The following FLI1 variants were observed in gnomAD, a reference collection of about 807,000 sequenced individuals.
FLI1 encodes the protein Fli-1 proto-oncogene, ETS transcription factor.
Under a neutral mutation model 53.1 loss-of-function variants are expected in FLI1, and 13 were observed. That is an observed-to-expected ratio of 0.24 (90% CI 0.16 to 0.39). FLI1 has a LOEUF of 0.39. FLI1 is among the 10% of genes least tolerant of loss of function. The pLI, the probability that FLI1 is intolerant of heterozygous loss-of-function variation, is 1.00. For synonymous variants in FLI1, 244 were observed against 236.7 expected, an observed-to-expected ratio of 1.03 and a Z score of -0.28; for missense variants, 424 against 600.5, an observed-to-expected ratio of 0.71 and a Z score of 3.07.
intron 7 of FLI1, 40 bp downstream of exon 7, chr11:128,807,279 C>A: frequency 6.8e-7 from 1 of 1,463,372 alleles, no homozygotes; most frequent in Non-Finnish European, 9.4e-7. Context: ...TTGCTTCCTG[C>A]ACAGTTGTTG....
rs1219848903 is a variant in FLI1 at position 128,812,940 on chromosome 11, A to T, written c.*1952A>T. 6.1e-6 allele frequency: 1 copy of T among 163,036 alleles called. No individual in the cohort carries two copies. The highest frequency in any genetic ancestry group is 1.3e-5 in the Non-Finnish European group (1 of 74,854). 10.1% of individuals were successfully genotyped at this position (163,036 alleles called of 1,614,324 possible). A position where few individuals can be genotyped will look rare whatever the true frequency, so the allele number is the denominator to read the frequency against. On this transcript the variant is annotated 3_prime_UTR_variant, in exon 9 of 9. Coordinates refer to ENST00000527786, the MANE Select transcript of FLI1 (RefSeq NM_002017.5). ...ATTTTCTCTATTTTACAATGAAAAG[A>T]GTGAGACCTGGGAAGTCCTTGATTT...
At chr11:128,765,477 G>T (rs370826875) in intron 2 of FLI1, among the ~76,000 whole-genome samples, 2 of 152,270 alleles carry the variant, frequency 1.3e-5, no homozygotes, top group Admixed American at 6.5e-5. Flanking sequence ...TATCCCCACC[G>T]TCCACAAACG....
chr11:128,685,451 G>C (rs1166947645), upstream of FLI1, among the ~76,000 whole-genome samples: 3 of 152,178 alleles, frequency 2.0e-5, no homozygotes, highest in African/African-American at 4.8e-5. Flanking sequence ...GCTTGTTCTG[G>C]TTGCAGTCGG....
rs921973453 is a variant in FLI1 at position 128,764,506 on chromosome 11, G to A, written c.231-3612G>A. 9.1e-5 allele frequency: 65 copies of A among 713,460 alleles called. No individual in the cohort carries two copies. The African/African-American group carries it at 1.0e-3, about 11-fold the overall frequency. The allele number at this position is 713,460 out of a possible 1,614,324, so 44.2% of individuals were successfully genotyped here. On this transcript the variant is annotated intron_variant, in intron 2 of 8. Coordinates refer to ENST00000527786, the MANE Select transcript of FLI1 (RefSeq NM_002017.5). Reference sequence around the variant, plus strand: ...AGGCTCTCTTGTCACCTGTCCCAGTGCTATCAGCTGCCAGTGGGCCCCAGC... The same window carrying A: ...AGGCTCTCTTGTCACCTGTCCCAGTACTATCAGCTGCCAGTGGGCCCCAGC...
chr11:128,756,458 A>G (rs1940862827), intron 1 of FLI1, among the ~76,000 whole-genome samples: 1 of 152,164 alleles, frequency 6.6e-6, no homozygotes, highest in African/African-American at 2.4e-5. Flanking sequence ...TAAAGGTCCT[A>G]TCTCCAAATA....
chr11:128,774,454 CTGTT>C (rs1489389037), intron 4 of FLI1, among the ~76,000 whole-genome samples: 3 of 152,150 alleles, frequency 2.0e-5, no homozygotes, highest in Admixed American at 6.5e-5. Context: ...CAGCTTTTAA[CTGTT>C]TGTGGAATTT....
At chr11:128,762,221 T>C (rs1941148660) in intron 2 of FLI1, among the ~76,000 whole-genome samples, 1 of 152,246 alleles carries the variant, frequency 6.6e-6, no homozygotes, top group South Asian at 2.1e-4. Flanking sequence ...CTGAGTATTA[T>C]TGATAATGAC....
In FLI1 at chr11:128,783,001, G is replaced by T. The variant is rs76617434; in HGVS notation, c.655+978G>T. Among the ~76,000 whole-genome samples, 859 of 152,232 alleles carry T rather than the reference G, an allele frequency of 5.6e-3. 18 individuals carry two copies. The highest frequency in any genetic ancestry group is 0.019 in the African/African-American group (793 of 41,526). ...GAGAGAGACTGGAAAAAATATTTGC[G>T]CGGCATAGCAAAAATTCCACAGAGG... On this transcript the variant is annotated intron_variant, in intron 5 of 8. Coordinates refer to ENST00000527786, the MANE Select transcript of FLI1 (RefSeq NM_002017.5).
chr11:128,784,060 TAAGTTTCTCCA>T (rs1468896536), intron 5 of FLI1, among the ~76,000 whole-genome samples: 1 of 152,176 alleles, frequency 6.6e-6, no homozygotes, highest in African/African-American at 2.4e-5. Context: ...CGGATTTTTG[TAAGTTTCTCCA>T]ACACTTCAGG....
At chr11:128,740,063 A>C (rs544935121) in intron 1 of FLI1, among the ~76,000 whole-genome samples, 1 of 152,226 alleles carries the variant, frequency 6.6e-6, no homozygotes, top group East Asian at 1.9e-4. Flanking sequence ...TCTCCTTGTC[A>C]CCAACTTCCA....
At chr11:128,802,723 C>T (rs1474004297) in intron 5 of FLI1, among the ~76,000 whole-genome samples, 1 of 152,246 alleles carries the variant, frequency 6.6e-6, no homozygotes, top group East Asian at 1.9e-4. Context: ...GGCCCTGGGG[C>T]ACCACAGAAA....
chr11:128,794,045 T>A (rs1227791497), intron 5 of FLI1, among the ~76,000 whole-genome samples: 1 of 152,188 alleles, frequency 6.6e-6, no homozygotes, highest in African/African-American at 2.4e-5. Context: ...GTCTTCTAAT[T>A]TATCTGCAGA....
rs546664348 is a variant in FLI1, at chr11:128,758,618, T to C, written c.230+292T>C. ...CACTCGTGGAACACTTATTTCTTGTTAATCCCAGGCCCAGGTCCAGTCCTG... is the reference window on the plus strand; with the variant it reads ...CACTCGTGGAACACTTATTTCTTGTCAATCCCAGGCCCAGGTCCAGTCCTG... On this transcript the variant is annotated intron_variant, in intron 2 of 8. Transcript: ENST00000527786. Among the ~76,000 whole-genome samples the C allele has an allele frequency of 1.1e-4, 16 of 152,334 alleles. No homozygotes were observed. The South Asian group carries it at 3.3e-3, about 32-fold the overall frequency.
chr11:128,717,975 T>C (rs963053593), intron 1 of FLI1, among the ~76,000 whole-genome samples: 2 of 152,228 alleles, frequency 1.3e-5, no homozygotes, highest in Admixed American at 6.5e-5. Flanking sequence ...TCTAAGGTGT[T>C]GCTGGGGATG....
At chr11:128,686,463 G>T, upstream of FLI1, 1 of 456,408 alleles carries the variant, frequency 2.2e-6, no homozygotes, top group South Asian at 1.5e-5. Context: ...GAGGCGTAGG[G>T]AGAGTGCTCA....
chr11:128,714,578 C>T (rs932638194), intron 1 of FLI1, among the ~76,000 whole-genome samples: 1 of 152,134 alleles, frequency 6.6e-6, no homozygotes, highest in Non-Finnish European at 1.5e-5. Context: ...TGGCTGTTCC[C>T]TTTACCTCAT....
intron 1 of FLI1, among the ~76,000 whole-genome samples, chr11:128,726,747 G>T (rs985783680): frequency 2.6e-5 from 4 of 152,210 alleles, no homozygotes; most frequent in African/African-American, 9.7e-5. Context: ...GCCCATAGGT[G>T]CAGCTTAATG....
intron 1 of FLI1, among the ~76,000 whole-genome samples, chr11:128,753,096 C>G (rs1182339447): frequency 6.6e-6 from 1 of 152,198 alleles, no homozygotes; most frequent in East Asian, 1.9e-4. Flanking sequence ...CTGCCTGGAA[C>G]AAGGGACCCT....
chr11:128,745,742 G>A (rs1404947610), intron 1 of FLI1, among the ~76,000 whole-genome samples: 2 of 152,218 alleles, frequency 1.3e-5, no homozygotes, highest in African/African-American at 4.8e-5. Context: ...AAGCGTCCCG[G>A]CTTGTGTGCG....
Sources: allele counts gnomAD v4.1 joint callset (sites outside exome capture counted in the v4.1 genomes callset), GRCh38; gene constraint gnomAD v4.1.1; transcripts MANE v1.5; gene names NCBI Gene and HGNC (gene_info 2026-07-23, HGNC 2026-07-21).